The following WDR36 variants were observed in gnomAD, a reference collection of about 807,000 sequenced individuals.
WDR36 encodes WD repeat domain 36.
WDR36 carries 63 observed loss-of-function variants against 112.7 expected under a neutral mutation model. The ratio of observed to expected loss-of-function variants is 0.56; its 90% CI spans 0.46 to 0.69. The LOEUF (loss-of-function observed/expected upper bound fraction) is 0.69, where lower values mean the gene tolerates loss of function less well. WDR36 is among the 30% of genes least tolerant of loss of function. The pLI is 0.00. For missense variants in WDR36, 1,226 were observed against 1,070.3 expected (o/e 1.15, Z -2.03); for synonymous variants, 410 against 362.2 (o/e 1.13, Z -1.50).
At chr5:111,094,092 A>G (rs1383937009) in intron 1 of WDR36, among the ~76,000 whole-genome samples, 3 of 152,182 alleles carry the variant, frequency 2.0e-5, no homozygotes, top group Admixed American at 1.3e-4. Flanking sequence ...GCTCTATCCC[A>G]TGACTATGGC....
intron 16 of WDR36, among the ~76,000 whole-genome samples, chr5:111,114,618 G>A (rs980232523): frequency 3.3e-5 from 5 of 152,140 alleles, no homozygotes; most frequent in African/African-American, 4.8e-5. Flanking sequence ...ATAGAGTGAA[G>A]CAAAATCGAA....
At chr5:111,095,283 C>T (rs1752951607) in intron 2 of WDR36, 1 of 230,426 alleles carries the variant, frequency 4.3e-6, no homozygotes, top group East Asian at 9.9e-5. Flanking sequence ...AGGTTGTACC[C>T]CTTGGGAGGA....
rs756010187 is a variant in WDR36 at position 111,120,986 on chromosome 5, T to A, written c.2003-10T>A. The A allele has an allele frequency of 8.1e-6, 13 of 1,609,338 alleles. No homozygotes were observed. The Admixed American group carries it at 1.0e-4, about 12-fold the overall frequency. On this transcript the variant is annotated splice_polypyrimidine_tract_variant and intron_variant, in intron 18 of 22. Coordinates refer to ENST00000513710, the MANE Select transcript of WDR36 (RefSeq NM_139281.3). ...AAAATCTTTTGTTTTACCTGAAAAA[T>A]TTTTTTAAGATGTAGAAGTATCAGA...
chr5:111,101,645 A>G (rs902541087), intron 5 of WDR36, among the ~76,000 whole-genome samples: 6 of 151,854 alleles, frequency 4.0e-5, no homozygotes, highest in Admixed American at 3.9e-4. Flanking sequence ...AAAGCAAACA[A>G]AAATATTTGA....
intron 16 of WDR36, among the ~76,000 whole-genome samples, chr5:111,113,724 G>A (rs995550516): frequency 6.6e-6 from 1 of 152,064 alleles, no homozygotes; most frequent in African/African-American, 2.4e-5. Context: ...GGCCATATCT[G>A]GTGAGAGCCT....
In WDR36 at chr5:111,112,997, A is replaced by C. The variant is rs546127152; in HGVS notation, c.1717-77A>C. On this transcript the variant is annotated intron_variant, in intron 15 of 22. Coordinates refer to ENST00000513710, the MANE Select transcript of WDR36 (RefSeq NM_139281.3). ...GTGTTAACTATATATACATACACAC[A>C]TACATACAAATATATTCATATATAT... 2.9e-5 allele frequency: 9 copies of C among 311,432 alleles called. No homozygotes were observed. In the East Asian group the frequency reaches 7.5e-4, roughly 26 times the overall value. 19.3% of individuals were successfully genotyped at this position (311,432 alleles called of 1,614,324 possible). A position where few individuals can be genotyped will look rare whatever the true frequency, so the allele number is the denominator to read the frequency against.
intron 4 of WDR36, among the ~76,000 whole-genome samples, chr5:111,099,585 G>A (rs1753078169): frequency 2.0e-5 from 3 of 150,944 alleles, no homozygotes; most frequent in Admixed American, 2.0e-4. Flanking sequence ...GTAGAGGGAG[G>A]GAACAGAATT....
chr5:111,123,714 TG>T, intron 19 of WDR36, 90 bp from the exon 20 acceptor site: 1 of 1,503,706 alleles, frequency 6.7e-7, no homozygotes, highest in Non-Finnish European at 9.1e-7. Context: ...TTTTACTTTT[TG>T]GTATTTGTTT....
Position 111,100,698 on chromosome 5 carries a change from G to A in WDR36, c.519G>A (p.Leu173=). The part of the protein sequence containing the change: ...KILLGSEQGS[L]QLWNVKSNKL... ...TTCTGGGCAGTGAACAAGGAAGCCT[G>A]CAGTTGTGGAATGTAAAATCCAAGT... The change falls in exon 5 of 23, where the codon CTG becomes CTA. Residue 173 remains leucine, a synonymous_variant. Coordinates refer to ENST00000513710, the MANE Select transcript of WDR36 (RefSeq NM_139281.3). The A allele has an allele frequency of 1.2e-6, 2 of 1,609,088 alleles. No homozygotes were observed. The highest frequency in any genetic ancestry group is 3.3e-4 in the Middle Eastern group (2 of 6,032).
chr5:111,092,648 G>A, intron 1 of WDR36, 30 bp downstream of exon 1: 6 of 1,600,962 alleles, frequency 3.7e-6, no homozygotes, highest in Non-Finnish European at 5.1e-6. Context: ...AGCTTCCCAG[G>A]AAAACCACCC....
intron 11 of WDR36, among the ~76,000 whole-genome samples, chr5:111,106,954 C>G (rs1293535456): frequency 6.6e-6 from 1 of 151,266 alleles, no homozygotes; most frequent in Non-Finnish European, 1.5e-5. Context: ...TTTACTTTCC[C>G]CAAATCTCCT....
chr5:111,116,740 A>T (rs1463951463), intron 16 of WDR36, among the ~76,000 whole-genome samples: 1 of 152,166 alleles, frequency 6.6e-6, no homozygotes, highest in African/African-American at 2.4e-5. Context: ...CACCTTCCTC[A>T]ATTTGGTGGT....
rs78205337 is a variant in WDR36 at position 111,120,560 on chromosome 5, A to G, written c.1969A>G (p.Ile657Val). The G allele has an allele frequency of 2.6e-4, 420 of 1,613,124 alleles. No homozygotes were observed. In the East Asian group the frequency reaches 8.2e-3, roughly 31 times the overall value. The change falls in exon 18 of 23, where the codon ATA becomes GTA. Residue 657 changes from isoleucine (I) to valine (V), a missense_variant. Transcript: ENST00000513710. ...ACTTCCTGCAGATTATGTCCCTTCA[A>G]TAGTCATGCTTCCTGGTACTTGTCA... ...RPLPADYVPS[I>V]VMLPGTCQTQ... is the part of the protein sequence containing the mutation.
At chr5:111,115,856 T>G (rs1199502898) in intron 16 of WDR36, among the ~76,000 whole-genome samples, 8 of 152,206 alleles carry the variant, frequency 5.3e-5, no homozygotes, top group Non-Finnish European at 1.2e-4. Flanking sequence ...GTTGAAATTT[T>G]TTATCTAAAA....
intron 17 of WDR36, among the ~76,000 whole-genome samples, chr5:111,119,981 A>G (rs1753531156): frequency 6.6e-6 from 1 of 152,090 alleles, no homozygotes. Context: ...GGTGTGGGAA[A>G]AAGAACCTGT....
intron 4 of WDR36, 146 bp from the exon 5 acceptor site, chr5:111,100,443 T>C (rs1753100566): frequency 2.2e-6 from 1 of 465,056 alleles, no homozygotes; most frequent in Non-Finnish European, 3.7e-6. Context: ...TCTCAAGGAA[T>C]GTTTATAGAT....
intron 1 of WDR36, among the ~76,000 whole-genome samples, chr5:111,093,480 A>G (rs1022319588): frequency 1.2e-4 from 19 of 152,212 alleles, no homozygotes; most frequent in African/African-American, 3.4e-4. Context: ...TAGTTGAGTT[A>G]GTGGAAAAGG....
In WDR36 at chr5:111,119,128, C is replaced by T; in HGVS notation, c.1904+8C>T. The T allele has an allele frequency of 6.3e-7, 1 of 1,592,394 alleles. No individual in the cohort carries two copies. The highest frequency in any genetic ancestry group is 8.6e-7 in the Non-Finnish European group (1 of 1,160,414). Reference sequence around the variant, plus strand: ...CCTTGGAATTTATCTATGGTAAGTTCTTTCATACAGTTCTGTTTTGGGATG... The same window carrying T: ...CCTTGGAATTTATCTATGGTAAGTTTTTTCATACAGTTCTGTTTTGGGATG... On this transcript the variant is annotated splice_region_variant and intron_variant, in intron 17 of 22. Coordinates refer to ENST00000513710, the MANE Select transcript of WDR36 (RefSeq NM_139281.3).
intron 11 of WDR36, among the ~76,000 whole-genome samples, chr5:111,106,902 C>A (rs1386343233): frequency 6.6e-6 from 1 of 151,282 alleles, no homozygotes; most frequent in African/African-American, 2.4e-5. Context: ...TTATCCCCCC[C>A]AGGTAATTTC....
Sources: gnomAD v4.1 joint callset for allele counts (sites outside exome capture counted in the v4.1 genomes callset) on GRCh38, gnomAD v4.1.1 for gene constraint, MANE v1.5 for transcripts, NCBI Gene and HGNC (gene_info 2026-07-23, HGNC 2026-07-21) for gene names.